Variants in HNRNPU observed in about 807,000 individuals in gnomAD.
The protein encoded by HNRNPU is heterogeneous nuclear ribonucleoprotein U.
HNRNPU carries 5 observed loss-of-function variants against 94.7 expected under a neutral mutation model. The observed-to-expected ratio is 0.05, with a 90% CI of 0.03 to 0.11. The LOEUF (loss-of-function observed/expected upper bound fraction) is 0.11. Among genes scored for constraint, HNRNPU ranks in the 10% least tolerant of loss-of-function variants. The probability of loss-of-function intolerance (pLI) is 1.00; values close to 1 mark genes in which losing one functional copy is unlikely to be tolerated. For synonymous variants in HNRNPU, 434 were observed against 381.6 expected (o/e 1.14, Z -1.60); for missense variants, 710 against 1,049.2 (o/e 0.68, Z 4.47).
rs56937404 is a variant in HNRNPU, at chr1:244,862,395, T to TAAAAAAA, written c.877+59_877+65dup. ...TGCTGCACTTAAGCATTAAGACTTC[T>TAAAAAAA]AAAAAAAAAAAAAAAAAAACCACCA... On this transcript the variant is annotated intron_variant, in intron 3 of 13. Coordinates refer to ENST00000640218, the MANE Select transcript of HNRNPU (RefSeq NM_031844.3). 764 of 798,630 alleles carry TAAAAAAA rather than the reference T, an allele frequency of 9.6e-4. 19 individuals are homozygous for TAAAAAAA. The highest frequency in any genetic ancestry group is 4.8e-3 in the African/African-American group (249 of 51,360). 49.5% of individuals were successfully genotyped at this position (798,630 alleles called of 1,614,324 possible).
chr1:244,852,716 CCT>C lies in HNRNPU; in HGVS notation c.*1732_*1733del, dbSNP rs2102983352. On this transcript the variant is annotated 3_prime_UTR_variant, in exon 14 of 14. Coordinates refer to ENST00000640218, the MANE Select transcript of HNRNPU (RefSeq NM_031844.3). ...AACTCCAGCTTATAGCAAGAAAATT[CCT>C]TAGAAGTATGAATTCATATTTATGA... The C allele has an allele frequency of 6.6e-6, 1 of 152,254 alleles. No individual in the cohort carries two copies. Among genetic ancestry groups the C allele is most frequent in the Non-Finnish European group, 1.5e-5 (1 of 68,012 alleles). 9.4% of individuals were successfully genotyped at this position (152,254 alleles called of 1,614,324 possible).
In HNRNPU at chr1:244,856,079, T is replaced by C. The variant is rs1275841425; in HGVS notation, c.1992A>G (p.Lys664=). 6.2e-7 allele frequency: 1 copy of C among 1,613,736 alleles called. No homozygotes were observed. The highest frequency in any genetic ancestry group is 2.2e-5 in the East Asian group (1 of 44,874). Residue 664 remains lysine, a synonymous_variant, in exon 11 of 14, where the codon AAA becomes AAG. Transcript: ENST00000640218. ...TTTCTTCCTTATATTGCTCCAAGAG[T>C]TTTTGGGCTTCTTCCTTCTGAAGTT... is the stretch of plus-strand genomic sequence containing the variant. ...YVELQKEEAQ[K]LLEQYKEESK... is the part of the protein sequence containing the mutation.
chr1:244,858,650 C>T, intron 6 of HNRNPU, 79 bp downstream of exon 6: 1 of 758,494 alleles, frequency 1.3e-6, no homozygotes, highest in Admixed American at 2.5e-5. Context: ...GAAAACTGAC[C>T]TCAGTAAAGC....
Position 244,856,808 on chromosome 1 carries a change from G to C in HNRNPU, c.1663C>G (p.Leu555Val). Residue 555 changes from leucine (L) to valine (V), a missense_variant, in exon 9 of 14, where the codon CTG becomes GTG. Leu to Val is a conservative substitution (Grantham distance 32). Coordinates refer to ENST00000640218, the MANE Select transcript of HNRNPU (RefSeq NM_031844.3). ...AGACACTGGGGGGCTCTCTGCAACA[G>C]TGTGTTCAGTTTTCCAGTATCTGCC... is the stretch of plus-strand genomic sequence containing the variant. The part of the protein sequence containing the change: ...QMADTGKLNT[L>V]LQRAPQCLGK... The C allele has an allele frequency of 1.2e-6, 2 of 1,610,444 alleles. No individual in the cohort carries two copies. The highest frequency in any genetic ancestry group is 1.7e-6 in the Non-Finnish European group (2 of 1,178,818).
At chr1:244,856,970 T>G (rs1159355526) in intron 8 of HNRNPU, 114 bp from the exon 9 acceptor site, 11 of 869,950 alleles carry the variant, frequency 1.3e-5, no homozygotes, top group Non-Finnish European at 2.0e-5. Flanking sequence ...AATTTAAATA[T>G]TACCTTTGTC....
Position 244,856,724 on chromosome 1 carries a change from G to T in HNRNPU, c.1743+4C>A. 6.2e-7 allele frequency: 1 copy of T among 1,610,832 alleles called. No individual in the cohort carries two copies. Among genetic ancestry groups the T allele is most frequent in the Non-Finnish European group, 8.5e-7 (1 of 1,179,060 alleles). On this transcript the variant is annotated splice_donor_region_variant and intron_variant, in intron 9 of 13. Transcript: ENST00000640218. ...TATTTTTCAATTTCAAAGCTACAGC[G>T]TACCTGATCCAGAATAAAATTTCGC...
At chr1:244,863,433 C>T (rs969909587) in intron 1 of HNRNPU, among the ~76,000 whole-genome samples, 184 bp downstream of exon 1, 2 of 151,008 alleles carry the variant, frequency 1.3e-5, no homozygotes, top group African/African-American at 4.9e-5. Flanking sequence ...CGCGCGCGCA[C>T]ACACACGCCC....
rs1346327341 is a variant in HNRNPU at position 244,856,736 on chromosome 1, G to A, written c.1735C>T (p.Leu579=). The change falls in exon 9 of 14, where the codon CTG becomes TTG. Residue 579 remains leucine (L), a synonymous_variant. Transcript: ENST00000640218. The part of the protein sequence containing the change: ...IAARKKRNFI[L]DQTNVSAAAQ... ...TCAAAGCTACAGCGTACCTGATCCA[G>A]AATAAAATTTCGCTTCTTTCGGGCA... 2 of 1,611,158 alleles carry A rather than the reference G, an allele frequency of 1.2e-6. No individual in the cohort carries two copies. Among genetic ancestry groups the A allele is most frequent in the East Asian group, 2.2e-5 (1 of 44,874 alleles).
In HNRNPU at chr1:244,855,964, C is replaced by G; in HGVS notation, c.2107G>C (p.Gly703Arg). Reference sequence around the variant, plus strand: ...CCTCCACGTCCTCTATGGCCACCACCTCTGTTAAACTGGTTCTTGCCACTC... The same window carrying G: ...CCTCCACGTCCTCTATGGCCACCACGTCTGTTAAACTGGTTCTTGCCACTC... ...NKSGKNQFNR[G>R]GGHRGRGGFN... The change falls in exon 11 of 14, where the codon GGT becomes CGT. Residue 703 changes from glycine to arginine, a missense_variant. By Grantham distance (125) the Gly-to-Arg change is moderately radical. Coordinates refer to ENST00000640218, the MANE Select transcript of HNRNPU (RefSeq NM_031844.3). 1 of 1,614,142 alleles carries G rather than the reference C, an allele frequency of 6.2e-7. No homozygotes were observed.
rs1465646444 is a variant in HNRNPU at position 244,863,917 on chromosome 1, C to T, written c.391G>A (p.Glu131Lys). 6.2e-7 allele frequency: 1 copy of T among 1,613,986 alleles called. No homozygotes were observed. The highest frequency in any genetic ancestry group is 1.1e-5 in the South Asian group (1 of 91,074). ...TGGAAACCCTGATCGTCGCCGTTCT[C>T]GTCTTCCGAGGCGGCCTCCTCCTCC... ...MEEEEAASED[E>K]NGDDQGFQEG... is the part of the protein sequence containing the mutation. The change falls in exon 1 of 14, where the codon GAG becomes AAG. Residue 131 changes from glutamate (E) to lysine (K), a missense_variant. Transcript: ENST00000640218.
At chr1:244,858,673 C>T (rs1680743716) in intron 6 of HNRNPU, 56 bp downstream of exon 6, 3 of 907,632 alleles carry the variant, frequency 3.3e-6, no homozygotes, top group Non-Finnish European at 3.6e-6. Flanking sequence ...CTTTAAAGTT[C>T]CTAGATATAG....
rs1233558404 is a variant in HNRNPU at position 244,858,028 on chromosome 1, C to T, written c.1477G>A (p.Glu493Lys). Residue 493 changes from glutamate (E) to lysine (K), a missense_variant, in exon 7 of 14, where the codon GAG becomes AAG. This residue lies in a region of HNRNPU where 150 missense variants were observed against 187.9 expected (regional missense o/e 0.80). Transcript: ENST00000640218. ...DRVRGPKGPE[E>K]KKDCEVVMMI... ...TCCCTTACTTCACAATCTTTCTTCT[C>T]TTCAGGCCCCTTTGGTCCTCTAACT... The T allele has an allele frequency of 6.2e-7, 1 of 1,608,890 alleles. No individual in the cohort carries two copies. The highest frequency in any genetic ancestry group is 8.5e-7 in the Non-Finnish European group (1 of 1,178,384).
Position 244,862,480 on chromosome 1 carries a change from T to C in HNRNPU, c.858A>G (p.Thr286=). ...VEEEDEHFDD[T]VVCLDTYNCD... ...ACTTACAAGTATCAAGACAAACCACTGTGTCATCGAAGTGTTCATCTTCTT... is the reference window on the plus strand; with the variant it reads ...ACTTACAAGTATCAAGACAAACCACCGTGTCATCGAAGTGTTCATCTTCTT... The change falls in exon 3 of 14, where the codon ACA becomes ACG. Residue 286 remains threonine, a synonymous_variant. Coordinates refer to ENST00000640218, the MANE Select transcript of HNRNPU (RefSeq NM_031844.3). 6.2e-7 allele frequency: 1 copy of C among 1,612,550 alleles called. No homozygotes were observed. The highest frequency in any genetic ancestry group is 8.5e-7 in the Non-Finnish European group (1 of 1,179,446).
chr1:244,859,421 A>T (rs946267206), intron 4 of HNRNPU, 47 bp from the exon 5 acceptor site: 3 of 913,570 alleles, frequency 3.3e-6, no homozygotes, highest in Non-Finnish European at 5.4e-6. Flanking sequence ...CCAAGGAGGT[A>T]ACCCCTTAAC....
chr1:244,864,541 C>T lies in HNRNPU; in HGVS notation c.-234G>A, dbSNP rs967363461. 1.7e-6 allele frequency: 1 copy of T among 593,178 alleles called. No individual in the cohort carries two copies. The highest frequency in any genetic ancestry group is 2.7e-6 in the Non-Finnish European group (1 of 366,588). 36.7% of individuals were successfully genotyped at this position (593,178 alleles called of 1,614,324 possible). On this transcript the variant is annotated 5_prime_UTR_variant, in exon 1 of 14. Transcript: ENST00000640218. ...CTGGCGCGAGCGAGCACGCAACGTC[C>T]TCTCGCAGGAGCGGCGCCGCGCACG...
Position 244,860,721 on chromosome 1 carries a change from G to A in HNRNPU, c.878-247C>T, listed in dbSNP as rs1404340459. On this transcript the variant is annotated intron_variant, in intron 3 of 13. Transcript: ENST00000640218. ...CCAAGGTTTAACATGTATATTTTAAGTATTTAAAATAATCAAGACAATGTG... is the reference window on the plus strand; with the variant it reads ...CCAAGGTTTAACATGTATATTTTAAATATTTAAAATAATCAAGACAATGTG... The A allele has an allele frequency of 1.1e-5, 6 of 542,332 alleles. No homozygotes were observed. The East Asian group carries it at 1.6e-4, about 14-fold the overall frequency. 33.6% of individuals were successfully genotyped at this position (542,332 alleles called of 1,614,324 possible). A position where few individuals can be genotyped will look rare whatever the true frequency, so the allele number is the denominator to read the frequency against.
In HNRNPU at chr1:244,864,417, T is replaced by A. The variant is rs958039665; in HGVS notation, c.-110A>T. ...CCTCGGCCCGGGCGGCGGCTGCGGC[T>A]GCGGCTGGAGATGGGTTCGTGCTGC... On this transcript the variant is annotated 5_prime_UTR_variant, in exon 1 of 14. Transcript: ENST00000640218. 7.1e-6 allele frequency: 11 copies of A among 1,552,500 alleles called. No individual in the cohort carries two copies. Among genetic ancestry groups the A allele is most frequent in the Middle Eastern group, 1.7e-4 (1 of 5,810 alleles).
Position 244,852,183 on chromosome 1 carries a change from C to A in HNRNPU, c.*2267G>T, listed in dbSNP as rs1050242867. 3 of 152,178 alleles carry A rather than the reference C, an allele frequency of 2.0e-5. No individual in the cohort carries two copies. Among genetic ancestry groups the A allele is most frequent in the Non-Finnish European group, 2.9e-5 (2 of 68,024 alleles). The allele number at this position is 152,178 out of a possible 1,614,324, so 9.4% of individuals were successfully genotyped here. A position where few individuals can be genotyped will look rare whatever the true frequency, so the allele number is the denominator to read the frequency against. ...CTCCCTGTTGCTTATTTGGTACATT[C>A]CCTTCTCTGAATTCCTTAAACACTT... On this transcript the variant is annotated 3_prime_UTR_variant, in exon 14 of 14. Coordinates refer to ENST00000640218, the MANE Select transcript of HNRNPU (RefSeq NM_031844.3).
Position 244,864,124 on chromosome 1 carries a change from G to C in HNRNPU, c.184C>G (p.Leu62Val). Residue 62 changes from leucine (L) to valine (V), a missense_variant, in exon 1 of 14, where the codon CTG becomes GTG. This residue lies in a region of HNRNPU where 292 missense variants were observed against 293.4 expected (regional missense o/e 1.00). Transcript: ENST00000640218. Reference sequence around the variant, plus strand: ...GAGCGCCCAGCGGAATCCCCGCCCAGGTCTAGGCTGCCGTTCCCGGGCTCC... The same window carrying C: ...GAGCGCCCAGCGGAATCCCCGCCCACGTCTAGGCTGCCGTTCCCGGGCTCC... Reference protein sequence around the residue: ...AMEPGNGSLDLGGDSAGRSGA... With the variant: ...AMEPGNGSLDVGGDSAGRSGA... The C allele has an allele frequency of 6.3e-7, 1 of 1,598,976 alleles. No homozygotes were observed. The highest frequency in any genetic ancestry group is 8.5e-7 in the Non-Finnish European group (1 of 1,172,938).
Sources: allele counts gnomAD v4.1 joint callset (sites outside exome capture counted in the v4.1 genomes callset), GRCh38; gene constraint gnomAD v4.1.1; regional missense constraint gnomAD v4.1.1; transcripts MANE v1.5; gene names NCBI Gene and HGNC (gene_info 2026-07-23, HGNC 2026-07-21).